The following IL33 variants were observed in gnomAD, a reference collection of about 807,000 sequenced individuals.
IL33 encodes the protein interleukin-33.
IL33 carries 37 observed loss-of-function variants against 27.3 expected under a neutral mutation model. That is an observed-to-expected ratio of 1.36 (90% CI 1.04 to 1.78). The LOEUF is 1.78. Among genes scored for constraint, IL33 ranks in the 40% most tolerant of loss-of-function variants. IL33 has a pLI of 0.00. For synonymous variants in IL33, 132 were observed against 102.9 expected, an observed-to-expected ratio of 1.28 and a Z score of -1.71; for missense variants, 406 against 311.4, an observed-to-expected ratio of 1.30 and a Z score of -2.29.
At chr9:6,250,642 T>C in intron 3 of IL33, 43 bp downstream of exon 3, 1 of 1,590,664 alleles carries the variant, frequency 6.3e-7, no homozygotes, top group African/African-American at 1.4e-5. Context: ...GATAAGTATC[T>C]GTTTGCCTTC....
chr9:6,235,052 T>C (rs1425145254), intron 1 of IL33, among the ~76,000 whole-genome samples: 1 of 152,212 alleles, frequency 6.6e-6, no homozygotes, highest in Non-Finnish European at 1.5e-5. Flanking sequence ...TTTATTTTTT[T>C]CATTTTTGGT....
intron 2 of IL33, among the ~76,000 whole-genome samples, chr9:6,246,662 G>C (rs1381108765): frequency 6.6e-6 from 1 of 152,206 alleles, no homozygotes; most frequent in Admixed American, 6.5e-5. Context: ...TGTCATGGGA[G>C]TGGGTTAGTT....
chr9:6,254,092 C>T (rs1430910024), intron 6 of IL33, among the ~76,000 whole-genome samples: 1 of 152,168 alleles, frequency 6.6e-6, no homozygotes, highest in Non-Finnish European at 1.5e-5. Context: ...AGTTGTATTA[C>T]TACACTTAGC....
intron 1 of IL33, among the ~76,000 whole-genome samples, chr9:6,230,198 T>C (rs1818859217): frequency 6.8e-6 from 1 of 147,968 alleles, no homozygotes; most frequent in Non-Finnish European, 1.5e-5. Context: ...AAGTACTGTT[T>C]ACCTTAAAGA....
chr9:6,237,189 G>A (rs558396506), intron 1 of IL33, among the ~76,000 whole-genome samples: 2 of 152,154 alleles, frequency 1.3e-5, no homozygotes, highest in South Asian at 4.2e-4. Flanking sequence ...TATATCATTG[G>A]GAATAGCAGC....
chr9:6,253,557 G>A lies in IL33; in HGVS notation c.475G>A (p.Val159Met). ...TTTTATGCATTCTCTTTCAGATAAG[G>A]TGTTACTGAGTTACTATGAGTCTCA... ...DLKKDEKKDK[V>M]LLSYYESQHP... Residue 159 changes from valine (V) to methionine (M), a missense_variant, in exon 6 of 8, where the codon GTG (valine) becomes ATG (methionine). Transcript: ENST00000682010. 1.2e-6 allele frequency: 2 copies of A among 1,605,656 alleles called. No individual in the cohort carries two copies. Among genetic ancestry groups the A allele is most frequent in the East Asian group, 2.2e-5 (1 of 44,706 alleles).
At chr9:6,254,581 A>T in intron 7 of IL33, 28 bp downstream of exon 7, 9 of 1,308,798 alleles carry the variant, frequency 6.9e-6, no homozygotes, top group Non-Finnish European at 9.4e-6. Flanking sequence ...ATCTATATCT[A>T]TATATATGAT....
intron 7 of IL33, 126 bp from the exon 8 acceptor site, chr9:6,255,842 T>A: frequency 2.8e-6 from 2 of 723,440 alleles, no homozygotes; most frequent in Non-Finnish European, 4.7e-6. Flanking sequence ...CACAACTCAC[T>A]AAGCAAGCTT....
At chr9:6,232,102 T>C (rs1277233007) in intron 1 of IL33, among the ~76,000 whole-genome samples, 1 of 152,184 alleles carries the variant, frequency 6.6e-6, no homozygotes, top group Admixed American at 6.5e-5. Flanking sequence ...TCAAAGAGCA[T>C]TGTCTGACAT....
chr9:6,223,239 A>G (rs918263636), intron 1 of IL33, among the ~76,000 whole-genome samples: 3 of 152,152 alleles, frequency 2.0e-5, no homozygotes. Flanking sequence ...CATGATTTAC[A>G]TGTATATGAT....
intron 7 of IL33, among the ~76,000 whole-genome samples, chr9:6,254,832 C>A (rs1164524117): frequency 6.6e-6 from 1 of 152,044 alleles, no homozygotes; most frequent in Non-Finnish European, 1.5e-5. Context: ...CTAAGCCCCC[C>A]AGAAATAAAT....
intron 7 of IL33, 87 bp from the exon 8 acceptor site, chr9:6,255,881 T>C: frequency 2.0e-6 from 2 of 1,007,392 alleles, no homozygotes; most frequent in Admixed American, 1.9e-5. Context: ...TAAATAAGTA[T>C]TCCCCTTTAG....
chr9:6,216,881 TG>T (rs1818169656), intron 1 of IL33, among the ~76,000 whole-genome samples: 1 of 152,224 alleles, frequency 6.6e-6, no homozygotes, highest in African/African-American at 2.4e-5. Flanking sequence ...CTTTAATCTC[TG>T]ATCTGCACAG....
intron 2 of IL33, among the ~76,000 whole-genome samples, chr9:6,249,103 A>T (rs1816182180): frequency 6.6e-6 from 1 of 152,234 alleles, no homozygotes; most frequent in Admixed American, 6.5e-5. Context: ...TGCATTAAGA[A>T]TCAATGGTAG....
At position 6,251,160 on chromosome 9, in the gene IL33, C is replaced by G. The variant is rs781496256; in HGVS notation, c.238C>G (p.Leu80Val). The G allele has an allele frequency of 6.2e-7, 1 of 1,613,942 alleles. No homozygotes were observed. The highest frequency in any genetic ancestry group is 1.1e-5 in the South Asian group (1 of 91,072). The change falls in exon 4 of 8, where the codon CTG (leucine) becomes GTG (valine). Residue 80 changes from leucine (L) to valine (V), a missense_variant. Leu to Val is a conservative substitution (Grantham distance 32). Coordinates refer to ENST00000682010, the MANE Select transcript of IL33 (RefSeq NM_033439.4). The stretch of plus-strand genomic sequence containing the variant: ...TGCAGGTAGAAAGCACAAAAGACAT[C>G]TGGTACTCGCTGCCTGTCAACAGCA... ...LKTGRKHKRHLVLAACQQQST... is the reference protein window; with the variant it reads ...LKTGRKHKRHVVLAACQQQST...
intron 1 of IL33, among the ~76,000 whole-genome samples, chr9:6,237,401 G>C (rs566226269): frequency 6.6e-6 from 1 of 152,310 alleles, no homozygotes; most frequent in East Asian, 1.9e-4. Flanking sequence ...GACTTATCAT[G>C]TGGTTCTATA....
At chr9:6,254,381 T>C in intron 6 of IL33, 81 bp from the exon 7 acceptor site, 1 of 859,710 alleles carries the variant, frequency 1.2e-6, no homozygotes. Context: ...ATCTTAGACT[T>C]TTTTCCTGGG....
intron 1 of IL33, among the ~76,000 whole-genome samples, chr9:6,236,582 A>G (rs4333663): frequency 1 from 151,765 of 152,392 alleles, 75,571 homozygotes; most frequent in East Asian, 1. Context: ...CAGTGCTACA[A>G]CTAGGCCGGG....
At chr9:6,219,086 T>C (rs545265856) in intron 1 of IL33, among the ~76,000 whole-genome samples, 1 of 151,528 alleles carries the variant, frequency 6.6e-6, no homozygotes, top group South Asian at 2.1e-4. Flanking sequence ...AGAGGTTCAT[T>C]GGAATTCACC....
Sources: allele counts gnomAD v4.1 joint callset (sites outside exome capture counted in the v4.1 genomes callset), GRCh38; gene constraint gnomAD v4.1.1; transcripts MANE v1.5; gene names NCBI Gene and HGNC (gene_info 2026-07-23, HGNC 2026-07-21).